ZFP69: variants seen among roughly 807,000 people sequenced by gnomAD.
ZFP69 encodes the protein ZFP69 zinc finger protein, also known as zinc finger protein 69 homolog.
Under a neutral mutation model 48.9 loss-of-function variants are expected in ZFP69, and 35 were observed. The observed-to-expected ratio is 0.72, with a 90% CI of 0.55 to 0.95. The LOEUF (loss-of-function observed/expected upper bound fraction) is 0.95. ZFP69 is among the 40% of genes least tolerant of loss of function. The probability of loss-of-function intolerance (pLI) is 0.00; values close to 1 mark genes in which losing one functional copy is unlikely to be tolerated. For synonymous variants in ZFP69, 193 were observed against 216.8 expected (o/e 0.89, Z 0.96); for missense variants, 557 against 638.4 (o/e 0.87, Z 1.37).
intron 5 of ZFP69, among the ~76,000 whole-genome samples, chr1:40,492,291 A>G (rs746613886): frequency 5.9e-5 from 9 of 152,216 alleles, no homozygotes; most frequent in Non-Finnish European, 1.3e-4. Context: ...TATTTTATAT[A>G]AATAAATTTG....
Position 40,479,102 on chromosome 1 carries a change from T to A in ZFP69, c.-260T>A, listed in dbSNP as rs528431042. On this transcript the variant is annotated 5_prime_UTR_variant, in exon 2 of 6. Transcript: ENST00000372706. ...CCTTCCCTTTTGCTCCTCTAAAGAG[T>A]ATGGAGACATGAACTCAAACCTAAC... 2.5e-6 allele frequency: 1 copy of A among 392,842 alleles called. No homozygotes were observed. The highest frequency in any genetic ancestry group is 4.8e-6 in the Non-Finnish European group (1 of 208,734). 24.3% of individuals were successfully genotyped at this position (392,842 alleles called of 1,614,324 possible).
At chr1:40,493,805 A>G (rs1310760553) in intron 5 of ZFP69, 1 of 152,160 alleles carries the variant, frequency 6.6e-6, no homozygotes, top group East Asian at 1.9e-4. Context: ...AAGAAATTAA[A>G]CCTTTCAGGA....
rs879356911 is a variant in ZFP69 at position 40,486,476 on chromosome 1, T to TCCTC, written c.220-2593_220-2590dup. On this transcript the variant is annotated intron_variant, in intron 3 of 5. Transcript: ENST00000372706. ...CTCCATCCCTCCCTCCCTCCTTTCT[T>TCCTC]CCTCCCTCCCTCCCTCCCTCCCACC... 8.0e-3 allele frequency among the ~76,000 whole-genome samples: 730 copies of TCCTC among 90,906 alleles called. 2 individuals carry two copies. The highest frequency in any genetic ancestry group is 0.01 in the Non-Finnish European group (470 of 46,792). The allele number at this position is 90,906 out of a possible 152,430, so 59.6% of individuals were successfully genotyped here.
At chr1:40,489,929 G>A (rs1023361903) in intron 5 of ZFP69, among the ~76,000 whole-genome samples, 3 of 148,910 alleles carry the variant, frequency 2.0e-5, no homozygotes, top group African/African-American at 7.5e-5. Flanking sequence ...GAGTGCAGTG[G>A]CGCAATCTTG....
chr1:40,478,486 C>CT (rs1307504976), intron 1 of ZFP69, among the ~76,000 whole-genome samples: 5 of 152,162 alleles, frequency 3.3e-5, no homozygotes, highest in Admixed American at 3.3e-4. Context: ...TGGGTGGTGA[C>CT]GTGGCTGTCA....
Position 40,489,081 on chromosome 1 carries a change from G to C in ZFP69, c.220-7G>C. ...CCGGCTAAAAATGAATGTATTTGAT[G>C]TTCTAGGAATTGTTGACTTTCAAGG... On this transcript the variant is annotated splice_polypyrimidine_tract_variant and splice_region_variant and intron_variant, in intron 3 of 5. Transcript: ENST00000372706. 1 of 1,613,628 alleles carries C rather than the reference G, an allele frequency of 6.2e-7. No individual in the cohort carries two copies. The highest frequency in any genetic ancestry group is 1.3e-5 in the African/African-American group (1 of 74,726).
At position 40,495,094 on chromosome 1, in the gene ZFP69, AT is replaced by A. The variant is rs1470822415; in HGVS notation, c.617del (p.Met206ArgfsTer4). On this transcript the variant is annotated frameshift_variant, in exon 6 of 6. Transcript: ENST00000372706. LOFTEE classifies it high-confidence loss of function. ...DVLERHQETC[M>X]RDVRQAILTH... ...CTTAGAAAGGCACCAGGAAACTTGT[AT>A]GAGAGATGTGAGACAAGCCATCTTG... 6.8e-6 allele frequency: 11 copies of A among 1,614,010 alleles called. No individual in the cohort carries two copies. Among genetic ancestry groups the A allele is most frequent in the Non-Finnish European group, 9.3e-6 (11 of 1,180,020 alleles).
chr1:40,496,181 T>A lies in ZFP69; in HGVS notation c.*122T>A. The A allele has an allele frequency of 1.9e-6, 2 of 1,059,596 alleles. No individual in the cohort carries two copies. Among genetic ancestry groups the A allele is most frequent in the Non-Finnish European group, 2.7e-6 (2 of 751,814 alleles). The allele number at this position is 1,059,596 out of a possible 1,614,324, so 65.6% of individuals were successfully genotyped here. The stretch of plus-strand genomic sequence containing the variant: ...GATGCCAACTTTTAATTTTTCCCAT[T>A]GTAAATAAACATTACATTGACAGGT... On this transcript the variant is annotated 3_prime_UTR_variant, in exon 6 of 6. Transcript: ENST00000372706.
chr1:40,486,712 C>T (rs1443949037), intron 3 of ZFP69, among the ~76,000 whole-genome samples: 1 of 151,536 alleles, frequency 6.6e-6, no homozygotes, highest in Non-Finnish European at 1.5e-5. Context: ...AGGAGCCATC[C>T]CACCTAGCCC....
intron 3 of ZFP69, among the ~76,000 whole-genome samples, chr1:40,486,420 C>CCCTT (rs145923208): frequency 4.3e-4 from 58 of 134,008 alleles, no homozygotes; most frequent in African/African-American, 1.6e-3. Flanking sequence ...CTCCCTCCCT[C>CCCTT]CCTTCCTTCC....
intron 3 of ZFP69, among the ~76,000 whole-genome samples, chr1:40,488,008 T>A (rs931876327): frequency 3.6e-5 from 5 of 138,538 alleles, no homozygotes; most frequent in Non-Finnish European, 7.6e-5. Context: ...ACCACTGCAC[T>A]CCAGCCTGGA....
At chr1:40,480,475 T>A (rs1645432835) in intron 2 of ZFP69, among the ~76,000 whole-genome samples, 1 of 151,882 alleles carries the variant, frequency 6.6e-6, no homozygotes, top group Non-Finnish European at 1.5e-5. Flanking sequence ...GTTTTTTTTT[T>A]ATTGGTTACA....
Position 40,489,642 on chromosome 1 carries a change from A to G in ZFP69, c.442+18A>G. Reference sequence around the variant, plus strand: ...CAGTTCAGGTGAGACCAAGTGTGTTAGTCTGTTTTTGTGTTGCTATAAAGG... The same window carrying G: ...CAGTTCAGGTGAGACCAAGTGTGTTGGTCTGTTTTTGTGTTGCTATAAAGG... On this transcript the variant is annotated intron_variant, in intron 5 of 5. Transcript: ENST00000372706. The G allele has an allele frequency of 1.3e-6, 2 of 1,571,644 alleles. No homozygotes were observed. The highest frequency in any genetic ancestry group is 1.7e-4 in the Middle Eastern group (1 of 5,932).
At chr1:40,492,602 C>T (rs1383096910) in intron 5 of ZFP69, among the ~76,000 whole-genome samples, 2 of 152,072 alleles carry the variant, frequency 1.3e-5, no homozygotes, top group East Asian at 3.9e-4. Flanking sequence ...CCTTGTTGTT[C>T]TATTTGAATT....
chr1:40,484,308 TCCA>T (rs1645473174), intron 3 of ZFP69, among the ~76,000 whole-genome samples: 1 of 151,574 alleles, frequency 6.6e-6, no homozygotes, highest in Non-Finnish European at 1.5e-5. Flanking sequence ...CAAGCGATTC[TCCA>T]GCCTCAGCCT....
chr1:40,481,496 A>AG (rs1286408760), intron 2 of ZFP69, among the ~76,000 whole-genome samples: 1 of 151,828 alleles, frequency 6.6e-6, no homozygotes, highest in African/African-American at 2.4e-5. Flanking sequence ...AGTTTTTTGG[A>AG]GGGGGGAGTG....
At position 40,496,075 on chromosome 1, in the gene ZFP69, T is replaced by C; in HGVS notation, c.*16T>C. The C allele has an allele frequency of 6.5e-7, 1 of 1,540,348 alleles. No homozygotes were observed. The highest frequency in any genetic ancestry group is 1.3e-5 in the South Asian group (1 of 78,468). On this transcript the variant is annotated 3_prime_UTR_variant, in exon 6 of 6. Coordinates refer to ENST00000372706, the MANE Select transcript of ZFP69 (RefSeq NM_001320179.2). ...TAAGGTGTAAAAACAGATATTTGAC[T>C]TGAGAACAAAAGCCAAGTGTAAATT... is the stretch of plus-strand genomic sequence containing the variant.
intron 5 of ZFP69, 31 bp downstream of exon 5, chr1:40,489,655 G>A: frequency 1.3e-6 from 2 of 1,522,366 alleles, no homozygotes; most frequent in Non-Finnish European, 1.8e-6. Flanking sequence ...CTGTTTTTGT[G>A]TTGCTATAAA....
intron 3 of ZFP69, among the ~76,000 whole-genome samples, chr1:40,485,477 A>G (rs1645487382): frequency 1.3e-5 from 2 of 152,070 alleles, no homozygotes; most frequent in Non-Finnish European, 2.9e-5. Context: ...TATTGTTCTT[A>G]ATTTTGCTTT....
Sources: gnomAD v4.1 joint callset for allele counts (sites outside exome capture counted in the v4.1 genomes callset) on GRCh38, gnomAD v4.1.1 for gene constraint, MANE v1.5 for transcripts, NCBI Gene and HGNC (gene_info 2026-07-23, HGNC 2026-07-21) for gene names.